DMD: variants seen among roughly 807,000 people sequenced by gnomAD.
DMD encodes the protein dystrophin, also known as mutant dystrophin.
A neutral mutation model predicts 330.1 loss-of-function variants in DMD; 63 were observed. The ratio of observed to expected loss-of-function variants is 0.19; its 90% CI spans 0.16 to 0.24. DMD has a LOEUF of 0.24. Ranked by LOEUF, DMD falls within the 10% of genes least tolerant of loss-of-function variation. The pLI is 1.00. For synonymous variants in DMD, 1,223 were observed against 959.8 expected, an observed-to-expected ratio of 1.27 and a Z score of -5.07; for missense variants, 3,344 against 2,684.1, an observed-to-expected ratio of 1.25 and a Z score of -5.43.
chrX:31,208,113 A>C (rs1177283690), intron 65 of DMD, among the ~76,000 whole-genome samples: 2 of 111,986 alleles, frequency 1.8e-5, no homozygotes, highest in Non-Finnish European at 3.8e-5. Flanking sequence ...TTTCAGAATA[A>C]TTCGCCTATT....
intron 63 of DMD, among the ~76,000 whole-genome samples, chrX:31,233,424 T>C (rs2047408257): frequency 8.9e-6 from 1 of 111,774 alleles, no homozygotes; most frequent in African/African-American, 3.3e-5. Context: ...TTATAAAAGG[T>C]AAGACTCTAA....
intron 2 of DMD, among the ~76,000 whole-genome samples, chrX:32,866,765 A>C (rs2082543963): frequency 4.3e-5 from 4 of 92,873 alleles, no homozygotes; most frequent in Non-Finnish European, 6.3e-5. Flanking sequence ...ACAGAGTTTC[A>C]CTCTTTCGCC....
At chrX:33,330,225 T>C (rs773904035) in intron 1 of DMD, among the ~76,000 whole-genome samples, 7 of 111,364 alleles carry the variant, frequency 6.3e-5, no homozygotes, top group Non-Finnish European at 1.1e-4. Flanking sequence ...AGAAAATATC[T>C]TGTTTACCTG....
intron 47 of DMD, among the ~76,000 whole-genome samples, chrX:31,924,573 C>T (rs543556089): frequency 3.4e-4 from 38 of 111,730 alleles, no homozygotes; most frequent in Middle Eastern, 4.6e-3. Context: ...TGTATTTTTA[C>T]TTTCATAATT....
rs766804291 is a variant in DMD, at chrX:32,517,999, A to G, written c.2292+9T>C. On this transcript the variant is annotated intron_variant, in intron 18 of 78. Coordinates refer to ENST00000357033, the MANE Select transcript of DMD (RefSeq NM_004006.3). ...TGAGTACAGATATAAAAATTAATGC[A>G]TAACCTACATTGACTTTTTCTTTTA... is the stretch of plus-strand genomic sequence containing the variant. The G allele has an allele frequency of 2.1e-5, 25 of 1,208,751 alleles. No homozygotes were observed. Among genetic ancestry groups the G allele is most frequent in the Non-Finnish European group, 2.8e-5 (25 of 894,059 alleles).
intron 1 of DMD, among the ~76,000 whole-genome samples, chrX:33,093,842 TTATA>T (rs1410941379): frequency 9.0e-6 from 1 of 111,341 alleles, no homozygotes; most frequent in African/African-American, 3.3e-5. Flanking sequence ...TTTGATTATA[TTATA>T]TATAGATATA....
intron 1 of DMD, among the ~76,000 whole-genome samples, chrX:33,279,880 G>A (rs1056528938): frequency 9.5e-5 from 8 of 84,135 alleles, no homozygotes; most frequent in East Asian, 6.3e-4. Flanking sequence ...ATCTGTGCCT[G>A]TCTTTTGTCC....
At chrX:31,284,557 T>TTTCTTCTTCTTCTTCTTCTTC (rs201340042) in intron 62 of DMD, among the ~76,000 whole-genome samples, 6,358 of 77,988 alleles carry the variant, frequency 0.082, 411 homozygotes, top group East Asian at 0.1. Context: ...TAACGAACTG[T>TTTCTTCTTCTTCTTCTTCTTC]TTCTTCTTCT....
intron 16 of DMD, among the ~76,000 whole-genome samples, chrX:32,552,297 G>A (rs1301822277): frequency 9.0e-6 from 1 of 111,520 alleles, no homozygotes; most frequent in African/African-American, 3.3e-5. Flanking sequence ...AAAGAATAGA[G>A]AGTCGAGAAA....
intron 34 of DMD, among the ~76,000 whole-genome samples, chrX:32,371,349 T>G (rs991760825): frequency 9.0e-6 from 1 of 111,118 alleles, no homozygotes; most frequent in Non-Finnish European, 1.9e-5. Flanking sequence ...TGTTTGTGTG[T>G]GTTCCTCTCA....
intron 47 of DMD, among the ~76,000 whole-genome samples, chrX:31,917,336 T>C (rs1029810546): frequency 8.9e-6 from 1 of 112,288 alleles, no homozygotes; most frequent in Non-Finnish European, 1.9e-5. Flanking sequence ...AAGAATTAAG[T>C]TCCTACTGCA....
chrX:31,606,715 A>C (rs77901073), intron 55 of DMD, among the ~76,000 whole-genome samples: 1,800 of 111,999 alleles, frequency 0.016, 23 homozygotes, highest in East Asian at 0.1. Context: ...AAGTATTCTG[A>C]AACTATTATA....
intron 1 of DMD, among the ~76,000 whole-genome samples, chrX:33,290,213 A>G (rs2053492747): frequency 9.0e-6 from 1 of 111,463 alleles, no homozygotes; most frequent in Non-Finnish European, 1.9e-5. Context: ...TATTGTTACT[A>G]TTCTAATCAA....
chrX:31,399,694 G>A (rs1167938991), intron 60 of DMD, among the ~76,000 whole-genome samples: 2 of 111,186 alleles, frequency 1.8e-5, no homozygotes, highest in African/African-American at 6.5e-5. Context: ...ATATAATGGG[G>A]TACTAGGATT....
At chrX:31,977,149 A>G (rs912181709) in intron 44 of DMD, among the ~76,000 whole-genome samples, 3 of 111,895 alleles carry the variant, frequency 2.7e-5, no homozygotes, top group Non-Finnish European at 5.7e-5. Context: ...CCCATTTCCT[A>G]TATCACCAAG....
At chrX:32,962,399 C>T (rs926227889) in intron 2 of DMD, among the ~76,000 whole-genome samples, 4 of 111,247 alleles carry the variant, frequency 3.6e-5, no homozygotes, top group South Asian at 3.7e-4. Context: ...GTTTTATATT[C>T]GTGCTTCTAT....
At chrX:32,077,577 T>G (rs1239515076) in intron 44 of DMD, among the ~76,000 whole-genome samples, 1 of 111,690 alleles carries the variant, frequency 9.0e-6, no homozygotes, top group Admixed American at 9.5e-5. Flanking sequence ...TATTCTAAAG[T>G]TACCATCCTT....
intron 62 of DMD, among the ~76,000 whole-genome samples, chrX:31,273,092 ATATT>A (rs1199226654): frequency 1.6e-4 from 18 of 112,027 alleles, no homozygotes; most frequent in African/African-American, 5.2e-4. Context: ...TACTTTGTAA[ATATT>A]TATTTGTCAA....
chrX:31,284,608 T>TTCTTCTTCTTCTTCTTCTTCTTCTTC (rs1331247957), intron 62 of DMD, among the ~76,000 whole-genome samples: 11 of 28,068 alleles, frequency 3.9e-4, no homozygotes, highest in Admixed American at 3.0e-3. Flanking sequence ...TCTTCTTCTT[T>TTCTTCTTCTTCTTCTTCTTCTTCTTC]TTTTTGGCAG....
Sources: gnomAD v4.1 joint callset for allele counts (sites outside exome capture counted in the v4.1 genomes callset) on GRCh38, gnomAD v4.1.1 for gene constraint, MANE v1.5 for transcripts, NCBI Gene and HGNC (gene_info 2026-07-23, HGNC 2026-07-21) for gene names.